Variants in IGSF11 observed in about 807,000 individuals in gnomAD.
IGSF11 encodes immunoglobulin superfamily member 11.
Under a neutral mutation model 41.0 loss-of-function variants are expected in IGSF11, and 22 were observed. That is an observed-to-expected ratio of 0.54 (90% CI 0.38 to 0.77). The LOEUF is 0.77. Among genes scored for constraint, IGSF11 ranks in the 30% least tolerant of loss-of-function variants. The pLI is 0.00. For synonymous variants in IGSF11, 219 were observed against 201.3 expected (o/e 1.09, Z -0.74); for missense variants, 444 against 530.8 (o/e 0.84, Z 1.61).
chr3:118,914,331 TC>T (rs1467556049), intron 4 of IGSF11, among the ~76,000 whole-genome samples: 7 of 151,866 alleles, frequency 4.6e-5, no homozygotes, highest in Non-Finnish European at 1.0e-4. Flanking sequence ...TTTCTGCATT[TC>T]CATCTGAGGT....
At chr3:118,911,512 G>A (rs1285583482) in intron 4 of IGSF11, among the ~76,000 whole-genome samples, 4 of 152,206 alleles carry the variant, frequency 2.6e-5, no homozygotes, top group Admixed American at 2.6e-4. Context: ...GGTCAACATA[G>A]CAAGGCCCCA....
At chr3:119,064,787 A>G (rs575982059) in intron 1 of IGSF11, among the ~76,000 whole-genome samples, 4 of 152,050 alleles carry the variant, frequency 2.6e-5, no homozygotes, top group South Asian at 2.1e-4. Flanking sequence ...GTAATTATAA[A>G]TAGTATTGTT....
At chr3:119,029,274 ACCC>A (rs1559815306) in intron 1 of IGSF11, among the ~76,000 whole-genome samples, 1 of 143,710 alleles carries the variant, frequency 7.0e-6, no homozygotes, top group Non-Finnish European at 1.5e-5. Context: ...ACACACACAC[ACCC>A]GAGAGAGAGA....
intron 1 of IGSF11, among the ~76,000 whole-genome samples, chr3:119,059,207 A>ACACC (rs755839793): frequency 0.021 from 3,103 of 144,588 alleles, 106 homozygotes; most frequent in African/African-American, 0.075. Flanking sequence ...ACACACACAC[A>ACACC]CCACACCATG....
chr3:119,075,996 C>T (rs1418839758), intron 1 of IGSF11, among the ~76,000 whole-genome samples: 7 of 152,114 alleles, frequency 4.6e-5, no homozygotes, highest in Admixed American at 6.5e-5. Flanking sequence ...CATCACGCTA[C>T]CTGACTTCAA....
intron 1 of IGSF11, among the ~76,000 whole-genome samples, chr3:118,963,215 A>T (rs985026395): frequency 2.6e-5 from 4 of 152,294 alleles, no homozygotes; most frequent in Middle Eastern, 6.8e-3. Context: ...GGTAAAACTC[A>T]ACACTATGTA....
intron 1 of IGSF11, among the ~76,000 whole-genome samples, chr3:118,980,363 C>A (rs544434546): frequency 6.6e-6 from 1 of 152,248 alleles, no homozygotes; most frequent in East Asian, 1.9e-4. Flanking sequence ...GAAATCATGT[C>A]ATTTGTCACA....
upstream of IGSF11, among the ~76,000 whole-genome samples, chr3:119,107,586 G>A (rs1235472303): frequency 2.6e-5 from 4 of 151,930 alleles, no homozygotes; most frequent in Non-Finnish European, 4.4e-5. Context: ...AAGCTCTTTA[G>A]TTTAATTAGA....
At chr3:119,040,128 A>C (rs1433236954) in intron 1 of IGSF11, among the ~76,000 whole-genome samples, 1 of 152,186 alleles carries the variant, frequency 6.6e-6, no homozygotes, top group East Asian at 1.9e-4. Context: ...GACCCTCCCT[A>C]AACTGCTCCT....
At position 118,902,538 on chromosome 3, in the gene IGSF11, C is replaced by A. The variant is rs1939001306; in HGVS notation, c.1278G>T (p.Arg426=). 1.2e-6 allele frequency: 2 copies of A among 1,613,530 alleles called. No individual in the cohort carries two copies. The highest frequency in any genetic ancestry group is 4.5e-5 in the East Asian group (2 of 44,852). The part of the protein sequence containing the change: ...AVPVMVPAQS[R]AGSLV ...TCATGTCCTATACCAAGGACCCGGC[C>A]CGACTCTGGGCTGGTACCATGACAG... Residue 426 remains arginine, a synonymous_variant, in exon 7 of 7, where the codon CGG becomes CGT. Coordinates refer to ENST00000393775, the MANE Select transcript of IGSF11 (RefSeq NM_001015887.3).
At position 119,112,272 on chromosome 3, in the gene IGSF11, G is replaced by A. The variant is rs185682681; in HGVS notation, c.-13-7067C>T. On this transcript the variant is annotated intron_variant, in intron 1 of 7. Coordinates refer to the IGSF11 transcript ENST00000425327. Reference sequence around the variant, plus strand: ...CCAGCTCGAGCTTCCCGCCTGCTTTGTTTACTTAAGCAAGCCTGGGCAATG... The same window carrying A: ...CCAGCTCGAGCTTCCCGCCTGCTTTATTTACTTAAGCAAGCCTGGGCAATG... Among the ~76,000 whole-genome samples the A allele has an allele frequency of 3.6e-3, 549 of 152,296 alleles. 2 individuals carry two copies. The highest frequency in any genetic ancestry group is 0.012 in the African/African-American group (514 of 41,566).
At chr3:119,134,685 C>A (rs1467411942) in intron 1 of IGSF11, among the ~76,000 whole-genome samples, 1 of 152,162 alleles carries the variant, frequency 6.6e-6, no homozygotes, top group Non-Finnish European at 1.5e-5. Flanking sequence ...AGCAAAATGA[C>A]TTTCTTCACA....
intron 1 of IGSF11, among the ~76,000 whole-genome samples, chr3:119,095,967 A>G (rs187189137): frequency 2.0e-5 from 3 of 152,290 alleles, no homozygotes; most frequent in Non-Finnish European, 4.4e-5. Flanking sequence ...TTTTTTACTT[A>G]GCTTATATCA....
intron 4 of IGSF11, among the ~76,000 whole-genome samples, chr3:118,914,465 T>C (rs1380844246): frequency 6.6e-6 from 1 of 150,652 alleles, no homozygotes; most frequent in African/African-American, 2.5e-5. Flanking sequence ...GGTCAGGGAG[T>C]TCTCTTTCCG....
chr3:119,063,157 AG>A (rs776989927), intron 1 of IGSF11, among the ~76,000 whole-genome samples: 17 of 152,292 alleles, frequency 1.1e-4, no homozygotes, highest in Admixed American at 3.9e-4. Flanking sequence ...CTAGTGGAAA[AG>A]GCAGAAATTT....
chr3:119,002,422 T>G (rs1224328791), intron 1 of IGSF11, among the ~76,000 whole-genome samples: 1 of 149,836 alleles, frequency 6.7e-6, no homozygotes, highest in African/African-American at 2.5e-5. Flanking sequence ...TGTTGTAGGT[T>G]GCCTGTTCAC....
At chr3:119,048,669 C>G (rs1378100998) in intron 1 of IGSF11, among the ~76,000 whole-genome samples, 1 of 151,974 alleles carries the variant, frequency 6.6e-6, no homozygotes, top group Admixed American at 6.6e-5. Flanking sequence ...CATTCTGATA[C>G]CAAAGCCAGG....
rs531161027 is a variant in IGSF11 at position 118,926,371 on chromosome 3, T to A, written c.425-115A>T. 154 of 838,874 alleles carry A rather than the reference T, an allele frequency of 1.8e-4. 1 individual carries two copies. The Admixed American group carries it at 2.2e-3, about 12-fold the overall frequency. The allele number at this position is 838,874 out of a possible 1,614,324, so 52.0% of individuals were successfully genotyped here. A position where few individuals can be genotyped will look rare whatever the true frequency, so the allele number is the denominator to read the frequency against. ...CTTAGATTACACTGTTTTGGGAACA[T>A]ATACCAGGAGACAGACTCACCGCCT... On this transcript the variant is annotated intron_variant, in intron 3 of 6. Transcript: ENST00000393775.
In IGSF11 at chr3:118,965,643, G is replaced by GA. The variant is rs1319103019; in HGVS notation, c.53-35369dup. Among the ~76,000 whole-genome samples the GA allele has an allele frequency of 1.3e-4, 20 of 152,166 alleles. No homozygotes were observed. The East Asian group carries it at 3.7e-3, about 28-fold the overall frequency. On this transcript the variant is annotated intron_variant, in intron 1 of 6. Coordinates refer to ENST00000393775, the MANE Select transcript of IGSF11 (RefSeq NM_001015887.3). ...CTAACAAATATATGTGAGCTGCACT[G>GA]AAAATCCAAACATTTCCTAAATAAT...
Sources: gnomAD v4.1 joint callset for allele counts (sites outside exome capture counted in the v4.1 genomes callset) on GRCh38, gnomAD v4.1.1 for gene constraint, MANE v1.5 for transcripts, NCBI Gene and HGNC (gene_info 2026-07-23, HGNC 2026-07-21) for gene names.